MTMR12: variants seen among roughly 807,000 people sequenced by gnomAD.
MTMR12 encodes myotubularin-related protein 12.
In MTMR12, 33 loss-of-function variants were observed where a neutral mutation model predicts 96.7. That is an observed-to-expected ratio of 0.34 (90% CI 0.26 to 0.46). The LOEUF (loss-of-function observed/expected upper bound fraction) is 0.46. Ranked by LOEUF, MTMR12 falls within the 20% of genes least tolerant of loss-of-function variation. The pLI is 1.00. For synonymous variants in MTMR12, 298 were observed against 327.2 expected (o/e 0.91, Z 0.96); for missense variants, 721 against 896.1 (o/e 0.80, Z 2.49).
At chr5:32,259,093 A>C (rs1379756702) in intron 7 of MTMR12, among the ~76,000 whole-genome samples, 2 of 152,158 alleles carry the variant, frequency 1.3e-5, no homozygotes, top group Admixed American at 1.3e-4. Flanking sequence ...CATTGGACAC[A>C]AGCAATCAAT....
Position 32,312,899 on chromosome 5 carries a change from GGGCAGCAGC to G in MTMR12, c.-70_-62del. On this transcript the variant is annotated 5_prime_UTR_variant, in exon 1 of 16. Transcript: ENST00000382142. The surrounding 1 kb of genome is among the most constrained non-coding windows in gnomAD (Gnocchi z 5.0). The stretch of plus-strand genomic sequence containing the variant: ...GAGGCGGCGGCTCGGGCTCCAGCTG[GGGCAGCAGC>G]GGCGGCCACCAGCACTAGCGGCTGG... The G allele has an allele frequency of 7.0e-7, 1 of 1,433,258 alleles. No individual in the cohort carries two copies. Among genetic ancestry groups the G allele is most frequent in the African/African-American group, 1.5e-5 (1 of 67,012 alleles). The allele number at this position is 1,433,258 out of a possible 1,614,324, so 88.8% of individuals were successfully genotyped here. A position where few individuals can be genotyped will look rare whatever the true frequency, so the allele number is the denominator to read the frequency against.
chr5:32,268,194 A>G (rs1749682457), intron 6 of MTMR12, among the ~76,000 whole-genome samples: 1 of 152,010 alleles, frequency 6.6e-6, no homozygotes, highest in South Asian at 2.1e-4. Flanking sequence ...CAAGCAAACA[A>G]ACCTAAAAGA....
At chr5:32,269,335 T>G (rs1156655143) in intron 5 of MTMR12, among the ~76,000 whole-genome samples, 6 of 150,898 alleles carry the variant, frequency 4.0e-5, no homozygotes, top group African/African-American at 1.5e-4. Context: ...CCTATTATTA[T>G]TATTATTATT....
Position 32,270,852 on chromosome 5 carries a change from A to T in MTMR12, c.454T>A (p.Cys152Ser). ...TCCTCTTCCTTTGTGTACCTCAGAC[A>T]AAACTGGAACACTCGAAGGTCTTTG... ...HCKDLRVFQF[C>S]LRYTKEEEVK... The change falls in exon 5 of 16, where the codon TGT (cysteine) becomes AGT (serine). Residue 152 changes from cysteine (C) to serine (S), a missense_variant. Transcript: ENST00000382142. The T allele has an allele frequency of 6.2e-7, 1 of 1,613,844 alleles. No homozygotes were observed. Among genetic ancestry groups the T allele is most frequent in the Non-Finnish European group, 8.5e-7 (1 of 1,179,898 alleles).
intron 7 of MTMR12, among the ~76,000 whole-genome samples, chr5:32,256,993 G>C (rs1254448383): frequency 6.6e-6 from 1 of 152,206 alleles, no homozygotes; most frequent in Non-Finnish European, 1.5e-5. Context: ...TTAAAAATTT[G>C]TAAGACACGG....
intron 10 of MTMR12, among the ~76,000 whole-genome samples, chr5:32,246,169 A>AAGTTTTTTTTTTTTT (rs1554056239): frequency 7.6e-6 from 1 of 130,828 alleles, no homozygotes; most frequent in East Asian, 2.2e-4. Flanking sequence ...TTGAGTAGAC[A>AAGTTTTTTTTTTTTT]GTTTTTTTTT....
intron 1 of MTMR12, among the ~76,000 whole-genome samples, chr5:32,305,577 T>C (rs977358843): frequency 6.6e-6 from 1 of 152,198 alleles, no homozygotes; most frequent in African/African-American, 2.4e-5. Context: ...TTCTGCAAAC[T>C]GATGTATCCC....
chr5:32,293,198 G>C (rs1455681597), intron 1 of MTMR12, among the ~76,000 whole-genome samples: 3 of 152,316 alleles, frequency 2.0e-5, no homozygotes, highest in South Asian at 4.1e-4. Context: ...GTGTCAACTT[G>C]ATTGAATTGA....
At chr5:32,266,970 C>T (rs1400421384) in intron 6 of MTMR12, among the ~76,000 whole-genome samples, 1 of 150,176 alleles carries the variant, frequency 6.7e-6, no homozygotes. Flanking sequence ...ATCCCAGCTA[C>T]TCAGGAGGCT....
chr5:32,273,930 CA>C (rs1561783297), intron 3 of MTMR12, 49 bp downstream of exon 3: 6 of 1,605,452 alleles, frequency 3.7e-6, no homozygotes, highest in Non-Finnish European at 5.1e-6. Flanking sequence ...ACAACGGAAC[CA>C]CAACCACACT....
intron 7 of MTMR12, among the ~76,000 whole-genome samples, chr5:32,262,912 T>C (rs966280064): frequency 1.3e-5 from 2 of 152,212 alleles, no homozygotes; most frequent in Admixed American, 6.5e-5. Context: ...GATTAGTGGT[T>C]GTCTAGGACT....
intron 13 of MTMR12, among the ~76,000 whole-genome samples, chr5:32,235,743 C>A (rs1748203683): frequency 6.6e-6 from 1 of 152,224 alleles, no homozygotes; most frequent in Non-Finnish European, 1.5e-5. Context: ...CAAAATGCAT[C>A]TTTACAAATC....
In MTMR12 at chr5:32,306,065, A is replaced by C. The variant is rs187366938; in HGVS notation, c.81+6693T>G. On this transcript the variant is annotated intron_variant, in intron 1 of 15. Coordinates refer to ENST00000382142, the MANE Select transcript of MTMR12 (RefSeq NM_001040446.3). ...GTTGACAATCTAGCAAAAGCCAAAA[A>C]AGAAATTGCTACTAGAGAACACTAC... Among the ~76,000 whole-genome samples the C allele has an allele frequency of 2.5e-4, 38 of 152,298 alleles. 1 individual carries two copies. The East Asian group carries it at 6.6e-3, about 26-fold the overall frequency.
intron 1 of MTMR12, among the ~76,000 whole-genome samples, chr5:32,291,868 C>T (rs1305826685): frequency 6.6e-6 from 1 of 152,180 alleles, no homozygotes; most frequent in African/African-American, 2.4e-5. Flanking sequence ...TATTGGACCT[C>T]TTCTATCATT....
rs75662842 is a variant in MTMR12 at position 32,292,998 on chromosome 5, G to A, written c.82-16256C>T. On this transcript the variant is annotated intron_variant, in intron 1 of 15. Transcript: ENST00000382142. ...TTATTGACTTCATATCAGCATTTAAGTATTGTTAACTTTATGTAATGGTAT... is the reference window on the plus strand; with the variant it reads ...TTATTGACTTCATATCAGCATTTAAATATTGTTAACTTTATGTAATGGTAT... Among the ~76,000 whole-genome samples, 285 of 152,250 alleles carry A rather than the reference G, an allele frequency of 1.9e-3. 6 individuals carry two copies. In the East Asian group the frequency reaches 0.047, roughly 25 times the overall value.
At chr5:32,243,662 A>G in intron 10 of MTMR12, 63 bp from the exon 11 acceptor site, 2 of 1,029,620 alleles carry the variant, frequency 1.9e-6, no homozygotes, top group Non-Finnish European at 1.5e-6. Flanking sequence ...TGCCACAAAA[A>G]TCCTGTGCTC....
At position 32,311,046 on chromosome 5, in the gene MTMR12, G is replaced by A. The variant is rs1581656639; in HGVS notation, c.81+1712C>T. Among the ~76,000 whole-genome samples the A allele has an allele frequency of 3.3e-5, 5 of 151,992 alleles. 1 individual carries two copies. The highest frequency in any genetic ancestry group is 3.3e-4 in the Admixed American group (5 of 15,268). Reference sequence around the variant, plus strand: ...GCACCACCATGCCTGGCTAATTTTAGGGTTTCACCATGTTGGCCAGGCTGG... The same window carrying A: ...GCACCACCATGCCTGGCTAATTTTAAGGTTTCACCATGTTGGCCAGGCTGG... On this transcript the variant is annotated intron_variant, in intron 1 of 15. Coordinates refer to ENST00000382142, the MANE Select transcript of MTMR12 (RefSeq NM_001040446.3).
At chr5:32,247,735 T>C in intron 10 of MTMR12, 1 of 985,268 alleles carries the variant, frequency 1.0e-6, no homozygotes, top group African/African-American at 1.7e-5. Flanking sequence ...TGCTCACCAC[T>C]GGGCAAATGG....
At chr5:32,269,011 T>A (rs1484503469) in intron 5 of MTMR12, among the ~76,000 whole-genome samples, 5 of 151,904 alleles carry the variant, frequency 3.3e-5, no homozygotes, top group African/African-American at 9.7e-5. Context: ...CTTTCTTTTT[T>A]AAAAATTTTT....
Sources: allele counts gnomAD v4.1 joint callset (sites outside exome capture counted in the v4.1 genomes callset), GRCh38; gene constraint gnomAD v4.1.1; non-coding constraint Gnocchi (gnomAD v3.1); transcripts MANE v1.5; gene names NCBI Gene and HGNC (gene_info 2026-07-23, HGNC 2026-07-21).